The following NRG3 variants were observed in gnomAD, a reference collection of about 807,000 sequenced individuals.
NRG3 encodes the protein pro-neuregulin-3, membrane-bound isoform.
NRG3 carries 31 observed loss-of-function variants against 66.9 expected under a neutral mutation model. That is an observed-to-expected ratio of 0.46 (90% CI 0.35 to 0.63). The LOEUF is 0.63. Ranked by LOEUF, NRG3 falls within the 20% of genes least tolerant of loss-of-function variation. The pLI is 0.00. For synonymous variants in NRG3, 393 were observed against 359.4 expected (o/e 1.09, Z -1.06); for missense variants, 910 against 878.9 (o/e 1.04, Z -0.45).
intron 7 of NRG3, among the ~76,000 whole-genome samples, chr10:82,976,944 A>G (rs1852320602): frequency 2.0e-5 from 3 of 152,198 alleles, no homozygotes. Context: ...CCTGGGGCAC[A>G]GCAGTCTCAT....
chr10:82,510,043 A>T (rs1348707843), intron 2 of NRG3, among the ~76,000 whole-genome samples: 1 of 151,984 alleles, frequency 6.6e-6, no homozygotes, highest in African/African-American at 2.4e-5. Context: ...CCCCTTTGTG[A>T]TCTAGTGGAT....
intron 1 of NRG3, among the ~76,000 whole-genome samples, chr10:82,264,522 C>T (rs1435325789): frequency 1.3e-5 from 2 of 152,024 alleles, no homozygotes; most frequent in Non-Finnish European, 2.9e-5. Context: ...ACCATATAAT[C>T]CTTGTTGTGG....
chr10:82,648,286 G>C (rs10787304), intron 2 of NRG3, among the ~76,000 whole-genome samples: 63,520 of 150,854 alleles, frequency 0.42, 14,200 homozygotes, highest in Non-Finnish European at 0.51. Flanking sequence ...GCTTGTTTTT[G>C]TCAGGTTTGT....
intron 1 of NRG3, among the ~76,000 whole-genome samples, chr10:82,034,870 GGCAGCC>G (rs2062729894): frequency 5.9e-5 from 9 of 151,976 alleles, no homozygotes; most frequent in Admixed American, 5.9e-4. Context: ...CCTACGGTCT[GGCAGCC>G]CACACCCAGT....
intron 2 of NRG3, among the ~76,000 whole-genome samples, chr10:82,439,108 T>C (rs980015145): frequency 6.6e-6 from 1 of 152,168 alleles, no homozygotes; most frequent in Non-Finnish European, 1.5e-5. Flanking sequence ...ATACTATTAT[T>C]TGTAATGTTT....
chr10:82,800,967 G>A (rs1443669697), intron 3 of NRG3, among the ~76,000 whole-genome samples: 2 of 152,120 alleles, frequency 1.3e-5, no homozygotes, highest in Admixed American at 6.6e-5. Context: ...CTGGGGAGCT[G>A]GAAGGTGGGA....
chr10:82,960,648 G>A (rs904063500), intron 6 of NRG3, among the ~76,000 whole-genome samples: 1 of 151,962 alleles, frequency 6.6e-6, no homozygotes, highest in African/African-American at 2.4e-5. Context: ...CACCACAAAT[G>A]AAGTGAAAAT....
chr10:82,270,985 A>C (rs574099281), intron 1 of NRG3, among the ~76,000 whole-genome samples: 1 of 152,204 alleles, frequency 6.6e-6, no homozygotes, highest in Non-Finnish European at 1.5e-5. Context: ...GTGAGACCTT[A>C]TCTCAGAGAA....
intron 2 of NRG3, among the ~76,000 whole-genome samples, chr10:82,582,061 C>T (rs1380922440): frequency 6.6e-6 from 1 of 152,034 alleles, no homozygotes; most frequent in African/African-American, 2.4e-5. Context: ...TAGGGTTCTT[C>T]TTTGCCATTT....
intron 3 of NRG3, among the ~76,000 whole-genome samples, chr10:82,804,201 A>C (rs1397170284): frequency 2.6e-5 from 4 of 152,174 alleles, no homozygotes; most frequent in African/African-American, 9.7e-5. Flanking sequence ...TGCTTCCTTT[A>C]AGTGAAAAGG....
intron 3 of NRG3, among the ~76,000 whole-genome samples, chr10:82,833,068 A>G (rs1455695898): frequency 6.6e-6 from 1 of 152,156 alleles, no homozygotes; most frequent in Non-Finnish European, 1.5e-5. Flanking sequence ...TGTATCACTT[A>G]GAACTCAGGG....
intron 4 of NRG3, among the ~76,000 whole-genome samples, chr10:82,865,898 C>A (rs1219097185): frequency 1.3e-5 from 2 of 152,118 alleles, no homozygotes; most frequent in Admixed American, 1.3e-4. Flanking sequence ...CCTTTGGATA[C>A]ATTTTGGTAT....
At chr10:82,875,143 G>A (rs1037716850) in intron 4 of NRG3, among the ~76,000 whole-genome samples, 9 of 152,166 alleles carry the variant, frequency 5.9e-5, no homozygotes, top group African/African-American at 2.2e-4. Flanking sequence ...TACAGACTGT[G>A]TTGAATGAAG....
At chr10:82,493,724 A>AT in intron 2 of NRG3, among the ~76,000 whole-genome samples, 1 of 152,340 alleles carries the variant, frequency 6.6e-6, no homozygotes, top group South Asian at 2.1e-4. Flanking sequence ...AAGCAATTGC[A>AT]GCAAAAGCAA....
intron 3 of NRG3, among the ~76,000 whole-genome samples, chr10:82,859,827 C>T (rs77858953): frequency 0.011 from 1,626 of 152,178 alleles, 23 homozygotes; most frequent in African/African-American, 0.037. Context: ...TATACGTATT[C>T]CAAAATATCT....
intron 2 of NRG3, among the ~76,000 whole-genome samples, chr10:82,453,237 T>C (rs909515007): frequency 1.3e-5 from 2 of 152,184 alleles, no homozygotes; most frequent in Non-Finnish European, 2.9e-5. Flanking sequence ...GTAAAATTTA[T>C]TTATTTATCT....
At chr10:82,026,813 A>G (rs1205635026) in intron 1 of NRG3, among the ~76,000 whole-genome samples, 1 of 151,972 alleles carries the variant, frequency 6.6e-6, no homozygotes, top group Non-Finnish European at 1.5e-5. Context: ...AATAACTTTA[A>G]GGTTTATTAC....
intron 3 of NRG3, among the ~76,000 whole-genome samples, chr10:82,786,711 G>T (rs1291198781): frequency 6.6e-6 from 1 of 152,146 alleles, no homozygotes; most frequent in African/African-American, 2.4e-5. Flanking sequence ...AAGCCAGGGG[G>T]CAGCATGCTA....
At chr10:82,525,516 T>C (rs1320131473) in intron 2 of NRG3, among the ~76,000 whole-genome samples, 1 of 151,848 alleles carries the variant, frequency 6.6e-6, no homozygotes, top group East Asian at 1.9e-4. Context: ...ATGATAACTT[T>C]TGAGCAGACC....
Sources: gnomAD v4.1 joint callset for allele counts (sites outside exome capture counted in the v4.1 genomes callset) on GRCh38, gnomAD v4.1.1 for gene constraint, MANE v1.5 for transcripts, NCBI Gene and HGNC (gene_info 2026-07-23, HGNC 2026-07-21) for gene names.